The following AXDND1 variants were observed in gnomAD, a reference collection of about 807,000 sequenced individuals.
AXDND1 encodes axonemal dynein light chain domain-containing protein 1.
Under a neutral mutation model 137.5 loss-of-function variants are expected in AXDND1, and 110 were observed. The ratio of observed to expected loss-of-function variants is 0.80; its 90% CI spans 0.69 to 0.94. The LOEUF is 0.94. Ranked by LOEUF, AXDND1 falls within the 40% of genes least tolerant of loss-of-function variation. The pLI is 0.00. For missense variants in AXDND1, 1,191 were observed against 1,169.8 expected (o/e 1.02, Z -0.26); for synonymous variants, 414 against 399.7 (o/e 1.04, Z -0.43).
intron 9 of AXDND1, among the ~76,000 whole-genome samples, chr1:179,392,356 T>C (rs1345273229): frequency 6.6e-6 from 1 of 152,236 alleles, no homozygotes; most frequent in East Asian, 1.9e-4. Context: ...ATACCACATT[T>C]TCTTTATCCA....
At chr1:179,441,236 G>T (rs1658942310) in intron 15 of AXDND1, among the ~76,000 whole-genome samples, 1 of 152,132 alleles carries the variant, frequency 6.6e-6, no homozygotes, top group African/African-American at 2.4e-5. Context: ...AAAGTCCTGC[G>T]TTTTTTCCGT....
chr1:179,382,045 G>T (rs1279379102), intron 6 of AXDND1, among the ~76,000 whole-genome samples: 1 of 150,178 alleles, frequency 6.7e-6, no homozygotes, highest in Admixed American at 6.6e-5. Context: ...AAAGTGCTGG[G>T]ATTATAGGCA....
chr1:179,478,033 C>T (rs1664847497), intron 17 of AXDND1, among the ~76,000 whole-genome samples: 1 of 152,192 alleles, frequency 6.6e-6, no homozygotes, highest in South Asian at 2.1e-4. Flanking sequence ...ACATCTGGGT[C>T]ATGCTCATTC....
At chr1:179,374,462 A>T (rs1668367106) in intron 4 of AXDND1, among the ~76,000 whole-genome samples, 1 of 152,196 alleles carries the variant, frequency 6.6e-6, no homozygotes, top group East Asian at 1.9e-4. Context: ...TGACCCAGCA[A>T]TCCCATTACT....
At chr1:179,496,949 T>C (rs1224661400) in intron 20 of AXDND1, among the ~76,000 whole-genome samples, 1 of 152,148 alleles carries the variant, frequency 6.6e-6, no homozygotes, top group African/African-American at 2.4e-5. Context: ...CATTCTTCGT[T>C]CATCCATGGG....
chr1:179,383,449 A>C lies in AXDND1; in HGVS notation c.646A>C (p.Asn216His). Residue 216 changes from asparagine (N) to histidine (H), a missense_variant, in exon 8 of 26, where the codon AAT becomes CAT. Asn to His is a moderately conservative substitution (Grantham distance 68). Transcript: ENST00000367618. The stretch of plus-strand genomic sequence containing the variant: ...GCCACCTTAATTTTTTAGGAAACCT[A>C]ATAAAAGAGTAGAAGTGGCCCAGCT... ...RLLLFPSMKP[N>H]KRVEVAQLND... 1 of 1,613,132 alleles carries C rather than the reference A, an allele frequency of 6.2e-7. No homozygotes were observed. Among genetic ancestry groups the C allele is most frequent in the Non-Finnish European group, 8.5e-7 (1 of 1,179,186 alleles).
chr1:179,411,540 G>C (rs1438021119), intron 12 of AXDND1, among the ~76,000 whole-genome samples: 3 of 151,816 alleles, frequency 2.0e-5, no homozygotes, highest in African/African-American at 7.3e-5. Flanking sequence ...TCTAGACAAA[G>C]ACTCAAAAAA....
At chr1:179,509,229 T>G (rs762384805) in intron 20 of AXDND1, 67 bp from the exon 21 acceptor site, 61 of 942,172 alleles carry the variant, frequency 6.5e-5, no homozygotes, top group Non-Finnish European at 9.8e-5. Flanking sequence ...TATTTATCAG[T>G]TCCTCAATAG....
intron 12 of AXDND1, among the ~76,000 whole-genome samples, chr1:179,418,998 C>T (rs1298096224): frequency 3.3e-5 from 5 of 150,710 alleles, no homozygotes; most frequent in African/African-American, 1.2e-4. Context: ...GGCAGAGGCG[C>T]TCCCCACATC....
chr1:179,552,245 T>TA (rs1341436918), intron 25 of AXDND1: 1 of 353,124 alleles, frequency 2.8e-6, no homozygotes, highest in African/African-American at 2.1e-5. Context: ...TGGGATACAG[T>TA]TCTAGGGGAT....
At chr1:179,482,459 T>C (rs1359435728) in intron 17 of AXDND1, among the ~76,000 whole-genome samples, 2 of 152,162 alleles carry the variant, frequency 1.3e-5, no homozygotes, top group Non-Finnish European at 2.9e-5. Context: ...CTGGAGGCAG[T>C]ATAAAAATCC....
intron 14 of AXDND1, among the ~76,000 whole-genome samples, chr1:179,431,668 A>G (rs1297856942): frequency 2.6e-5 from 4 of 151,574 alleles, no homozygotes; most frequent in African/African-American, 7.3e-5. Context: ...AGGTTTCCCC[A>G]TTAGTAGATT....
chr1:179,549,888 C>T (rs1418647599), intron 25 of AXDND1, among the ~76,000 whole-genome samples: 7 of 152,076 alleles, frequency 4.6e-5, no homozygotes, highest in Admixed American at 4.6e-4. Flanking sequence ...AAGCAAGCTC[C>T]ACATCCTAGA....
At chr1:179,467,458 C>T (rs2125474633) in intron 16 of AXDND1, among the ~76,000 whole-genome samples, 1 of 152,160 alleles carries the variant, frequency 6.6e-6, no homozygotes, top group South Asian at 2.1e-4. Context: ...TAATAAATAT[C>T]ACATAACATC....
intron 18 of AXDND1, among the ~76,000 whole-genome samples, chr1:179,491,179 C>T (rs1666853956): frequency 6.6e-6 from 1 of 152,026 alleles, no homozygotes; most frequent in Non-Finnish European, 1.5e-5. Context: ...CAAAACTTAG[C>T]CAGGCATGGT....
At position 179,485,107 on chromosome 1, in the gene AXDND1, A is replaced by C. The variant is rs569948223; in HGVS notation, c.2091+1886A>C. 2.6e-5 allele frequency among the ~76,000 whole-genome samples: 4 copies of C among 152,076 alleles called. No homozygotes were observed. In the East Asian group the frequency reaches 7.7e-4, roughly 29 times the overall value. Reference sequence around the variant, plus strand: ...ACATGCACAGGGACATTGGTGGGCTACCCCCTGCAACATGCTGCACTGCCA... The same window carrying C: ...ACATGCACAGGGACATTGGTGGGCTCCCCCCTGCAACATGCTGCACTGCCA... On this transcript the variant is annotated intron_variant, in intron 18 of 25. Transcript: ENST00000367618.
chr1:179,376,784 A>G (rs1166707291), intron 4 of AXDND1, among the ~76,000 whole-genome samples: 1 of 152,158 alleles, frequency 6.6e-6, no homozygotes, highest in Non-Finnish European at 1.5e-5. Context: ...GACTGTGTCT[A>G]TTTTAAGAAA....
Position 179,463,614 on chromosome 1 carries a change from T to A in AXDND1, c.1799-4829T>A, listed in dbSNP as rs190634064. Among the ~76,000 whole-genome samples, 8 of 152,256 alleles carry A rather than the reference T, an allele frequency of 5.3e-5. No individual in the cohort carries two copies. In the East Asian group the frequency reaches 1.4e-3, roughly 26 times the overall value. ...TATTCTGTTGATTTGGGGTGGAGAGTTCTGTAGATGTCAGTTAGGTCTGCT... is the reference window on the plus strand; with the variant it reads ...TATTCTGTTGATTTGGGGTGGAGAGATCTGTAGATGTCAGTTAGGTCTGCT... On this transcript the variant is annotated intron_variant, in intron 16 of 25. Coordinates refer to ENST00000367618, the MANE Select transcript of AXDND1 (RefSeq NM_144696.6).
intron 15 of AXDND1, among the ~76,000 whole-genome samples, chr1:179,437,884 G>C (rs1186945567): frequency 6.6e-6 from 1 of 152,134 alleles, no homozygotes; most frequent in African/African-American, 2.4e-5. Context: ...GGGCATTGTG[G>C]CTCATGCCTG....
Sources: allele counts gnomAD v4.1 joint callset (sites outside exome capture counted in the v4.1 genomes callset), GRCh38; gene constraint gnomAD v4.1.1; transcripts MANE v1.5; gene names NCBI Gene and HGNC (gene_info 2026-07-23, HGNC 2026-07-21).